The following DLG2 variants were observed in gnomAD, a reference collection of about 807,000 sequenced individuals.
DLG2 encodes disks large homolog 2.
Under a neutral mutation model 132.5 loss-of-function variants are expected in DLG2, and 45 were observed. That is an observed-to-expected ratio of 0.34 (90% CI 0.27 to 0.44). DLG2 has a LOEUF of 0.44. Among genes scored for constraint, DLG2 ranks in the 20% least tolerant of loss-of-function variants. DLG2 has a pLI of 1.00. For missense variants in DLG2, 1,045 were observed against 1,196.9 expected (o/e 0.87, Z 1.87); for synonymous variants, 424 against 419.6 (o/e 1.01, Z -0.13).
intron 3 of DLG2, among the ~76,000 whole-genome samples, chr11:85,530,323 A>AT (rs2075111407): frequency 7.4e-6 from 1 of 134,538 alleles, no homozygotes; most frequent in Non-Finnish European, 1.6e-5. Flanking sequence ...TATTTATTTT[A>AT]TTTATTTTTT....
rs140793730 is a variant in DLG2 at position 85,184,395 on chromosome 11, T to C, written c.187-29744A>G. ...GTGTGCATAGATTAGGAATTTCTAT[T>C]ATGCCAAGGTTTCATTCGTTGCAAT... On this transcript the variant is annotated intron_variant, in intron 4 of 27. Transcript: ENST00000376104. Among the ~76,000 whole-genome samples, 843 of 151,738 alleles carry C rather than the reference T, an allele frequency of 5.6e-3. 9 individuals are homozygous for C. Among genetic ancestry groups the C allele is most frequent in the African/African-American group, 0.019 (792 of 41,448 alleles).
chr11:84,474,282 G>A (rs1025163293), intron 7 of DLG2, among the ~76,000 whole-genome samples: 2 of 152,060 alleles, frequency 1.3e-5, no homozygotes, highest in Non-Finnish European at 2.9e-5. Flanking sequence ...CCAGTTTACA[G>A]ATGCACCCAA....
chr11:83,789,392 C>T (rs2040894217), intron 17 of DLG2, among the ~76,000 whole-genome samples: 1 of 150,840 alleles, frequency 6.6e-6, no homozygotes. Flanking sequence ...GGAGGGGGGG[C>T]AGCATTGAGG....
At chr11:84,385,001 A>G (rs1169777804) in intron 7 of DLG2, among the ~76,000 whole-genome samples, 2 of 152,112 alleles carry the variant, frequency 1.3e-5, no homozygotes, top group Non-Finnish European at 2.9e-5. Flanking sequence ...GGCTCTTGAA[A>G]AAGGAGATGA....
chr11:83,601,415 A>G (rs2058515464), intron 19 of DLG2, among the ~76,000 whole-genome samples: 1 of 150,178 alleles, frequency 6.7e-6, no homozygotes, highest in Non-Finnish European at 1.5e-5. Context: ...GGAGCCAACG[A>G]TTCTCTTTTT....
chr11:83,995,254 C>T (rs2093962195), intron 11 of DLG2, among the ~76,000 whole-genome samples: 1 of 152,052 alleles, frequency 6.6e-6, no homozygotes, highest in Non-Finnish European at 1.5e-5. Context: ...TATGTTAGTA[C>T]ATTGGAAAAA....
chr11:83,862,591 A>G (rs923066397), intron 16 of DLG2, among the ~76,000 whole-genome samples: 2 of 152,182 alleles, frequency 1.3e-5, no homozygotes, highest in Non-Finnish European at 2.9e-5. Context: ...AAAAATAATT[A>G]AAGTGCATAA....
At chr11:83,738,742 C>T (rs565815755) in intron 18 of DLG2, among the ~76,000 whole-genome samples, 4 of 152,272 alleles carry the variant, frequency 2.6e-5, no homozygotes, top group East Asian at 3.9e-4. Flanking sequence ...GTTGTCAAGC[C>T]GACTTCCTAC....
intron 5 of DLG2, among the ~76,000 whole-genome samples, chr11:85,147,686 T>C (rs191401564): frequency 1.6e-4 from 24 of 152,318 alleles, no homozygotes; most frequent in African/African-American, 5.1e-4. Context: ...AAAAACTGAC[T>C]TACCCAAAGT....
intron 6 of DLG2, among the ~76,000 whole-genome samples, chr11:84,635,357 A>G (rs1344564963): frequency 6.6e-6 from 1 of 152,170 alleles, no homozygotes; most frequent in Non-Finnish European, 1.5e-5. Context: ...CTTTTAACCT[A>G]AAAGCCCAAT....
At chr11:84,009,887 T>C (rs2094786336) in intron 11 of DLG2, among the ~76,000 whole-genome samples, 1 of 152,052 alleles carries the variant, frequency 6.6e-6, no homozygotes, top group African/African-American at 2.4e-5. Flanking sequence ...AGATTAAAGA[T>C]GTTAAGTAGT....
intron 11 of DLG2, among the ~76,000 whole-genome samples, chr11:83,994,431 G>A (rs545705316): frequency 3.9e-5 from 6 of 152,208 alleles, no homozygotes; most frequent in East Asian, 1.9e-4. Flanking sequence ...AGGGGTCTAT[G>A]CTATGTTGTC....
intron 18 of DLG2, among the ~76,000 whole-genome samples, chr11:83,667,166 GC>G (rs1375956503): frequency 2.9e-4 from 44 of 152,272 alleles, no homozygotes; most frequent in African/African-American, 1.1e-3. Flanking sequence ...CTTAAAATAT[GC>G]TTTTGTCTTC....
intron 9 of DLG2, among the ~76,000 whole-genome samples, chr11:84,131,749 C>T (rs1022846383): frequency 6.6e-6 from 1 of 151,914 alleles, no homozygotes; most frequent in African/African-American, 2.4e-5. Context: ...CAACAAAAAA[C>T]CCAAACAGTG....
chr11:84,137,607 T>A (rs1220815140), intron 9 of DLG2, among the ~76,000 whole-genome samples: 1 of 152,106 alleles, frequency 6.6e-6, no homozygotes, highest in Non-Finnish European at 1.5e-5. Context: ...ACAAGACAAG[T>A]CTCTGAAAAG....
chr11:84,937,187 A>G (rs2048853046), intron 6 of DLG2, among the ~76,000 whole-genome samples: 1 of 152,184 alleles, frequency 6.6e-6, no homozygotes, highest in South Asian at 2.1e-4. Context: ...TATCTAGATA[A>G]CTGTTAGATA....
intron 4 of DLG2, among the ~76,000 whole-genome samples, chr11:85,279,526 T>C (rs780855642): frequency 6.6e-6 from 1 of 152,122 alleles, no homozygotes; most frequent in Non-Finnish European, 1.5e-5. Flanking sequence ...CACTTCTCCT[T>C]TAAGGTTCCC....
chr11:85,504,706 G>A (rs1266568148), intron 3 of DLG2, among the ~76,000 whole-genome samples: 2 of 152,086 alleles, frequency 1.3e-5, no homozygotes, highest in African/African-American at 4.8e-5. Flanking sequence ...GCTCTTTTTT[G>A]ATTCCATATG....
chr11:84,527,382 GT>G (rs1285819966), intron 7 of DLG2, among the ~76,000 whole-genome samples: 2 of 152,110 alleles, frequency 1.3e-5, no homozygotes, highest in Admixed American at 6.5e-5. Flanking sequence ...TTTGTCTATA[GT>G]TTTTTTATTG....
Sources: gnomAD v4.1 joint callset for allele counts (sites outside exome capture counted in the v4.1 genomes callset) on GRCh38, gnomAD v4.1.1 for gene constraint, MANE v1.5 for transcripts, NCBI Gene and HGNC (gene_info 2026-07-23, HGNC 2026-07-21) for gene names.